The following PLEKHG2 variants were observed in gnomAD, a reference collection of about 807,000 sequenced individuals.
The protein encoded by PLEKHG2 is pleckstrin homology domain-containing family G member 2.
Under a neutral mutation model 104.4 loss-of-function variants are expected in PLEKHG2, and 71 were observed. The observed-to-expected ratio is 0.68, with a 90% CI of 0.56 to 0.83. The LOEUF is 0.83. Ranked by LOEUF, PLEKHG2 falls within the 40% of genes least tolerant of loss-of-function variation. The probability of loss-of-function intolerance (pLI) is 0.00; values close to 1 mark genes in which losing one functional copy is unlikely to be tolerated. For synonymous variants in PLEKHG2, 728 were observed against 737.0 expected, an observed-to-expected ratio of 0.99 and a Z score of 0.20; for missense variants, 1,730 against 1,809.4, an observed-to-expected ratio of 0.96 and a Z score of 0.80.
intron 10 of PLEKHG2, 30 bp from the exon 11 acceptor site, chr19:39,418,886 GC>G (rs1434975143): frequency 1.9e-6 from 3 of 1,597,592 alleles, no homozygotes; most frequent in Non-Finnish European, 1.7e-6. Context: ...CTCACACCTG[GC>G]CCCCTGACTC....
rs1294695573 is a variant in PLEKHG2 at position 39,415,926 on chromosome 19, C to T, written c.480-422C>T. 2.0e-5 allele frequency among the ~76,000 whole-genome samples: 3 copies of T among 152,164 alleles called. No individual in the cohort carries two copies. Among genetic ancestry groups the T allele is most frequent in the Non-Finnish European group, 4.4e-5 (3 of 68,012 alleles). On this transcript the variant is annotated intron_variant, in intron 4 of 18. Transcript: ENST00000425673. The surrounding 1 kb of genome is among the most constrained non-coding windows in gnomAD (Gnocchi z 4.6). ...TTCCAGTTTTAGCACTGAAAGCCCT[C>T]GTCCTAGGAAACTGCTCAGTCCCGG... is the stretch of plus-strand genomic sequence containing the variant.
chr19:39,422,410 C>T, intron 17 of PLEKHG2, 122 bp downstream of exon 17: 1 of 1,161,666 alleles, frequency 8.6e-7, no homozygotes. Flanking sequence ...TGGAGTCTTG[C>T]TCTGTTGCCG....
At chr19:39,422,433 A>G in intron 17 of PLEKHG2, 145 bp downstream of exon 17, 1 of 972,342 alleles carries the variant, frequency 1.0e-6, no homozygotes, top group South Asian at 2.0e-5. Context: ...GCTGGAGTGC[A>G]GTGGCGCCAT....
rs1479281973 is a variant in PLEKHG2, at chr19:39,415,100, C to T, written c.218C>T (p.Ser73Leu). 2 of 1,594,682 alleles carry T rather than the reference C, an allele frequency of 1.3e-6. No individual in the cohort carries two copies. The highest frequency in any genetic ancestry group is 1.7e-6 in the Non-Finnish European group (2 of 1,170,760). ...DPAPGPTPACSASRPEPLPGP... is the reference protein window; with the variant it reads ...DPAPGPTPACLASRPEPLPGP... ...GCCCCTGGGCCCACTCCAGCCTGCT[C>T]AGCCTCCAGGCCAGAGCCCCTTCCA... Residue 73 changes from serine (S) to leucine (L), a missense_variant, in exon 3 of 19, where the codon TCA (serine) becomes TTA (leucine). Physicochemically the swap from Ser to Leu is moderately radical, Grantham distance 145. Transcript: ENST00000425673. The surrounding 1 kb of genome is among the most constrained non-coding windows in gnomAD (Gnocchi z 4.6).
In PLEKHG2 at chr19:39,416,454, C is replaced by T. The variant is rs2078605900; in HGVS notation, c.546+40C>T. On this transcript the variant is annotated intron_variant, in intron 5 of 18. Transcript: ENST00000425673. This position sits in a 1 kb window ranked among gnomAD's most constrained non-coding sequence, Gnocchi z 4.5. ...GGGGGGCTCTCGGTCCTGGATGGGGCCTTTGTAGAGGGGGGAGAGCAGGCT... is the reference window on the plus strand; with the variant it reads ...GGGGGGCTCTCGGTCCTGGATGGGGTCTTTGTAGAGGGGGGAGAGCAGGCT... The T allele has an allele frequency of 2.5e-6, 4 of 1,610,944 alleles. No homozygotes were observed. In the African/African-American group the frequency reaches 4.0e-5, roughly 16 times the overall value.
chr19:39,425,297 C>CAGGACAT lies in PLEKHG2; in HGVS notation c.*4_*10dup. 1 of 1,604,502 alleles carries CAGGACAT rather than the reference C, an allele frequency of 6.2e-7. No individual in the cohort carries two copies. The highest frequency in any genetic ancestry group is 8.5e-7 in the Non-Finnish European group (1 of 1,177,306). On this transcript the variant is annotated 3_prime_UTR_variant, in exon 19 of 19. Transcript: ENST00000425673. ...CTGATGCCCCCTTCCACATGTGAGC[C>CAGGACAT]AGGACATGAGGCTTCCCTGAAGCAA...
chr19:39,415,302 A>G lies in PLEKHG2; in HGVS notation c.379-37A>G, dbSNP rs374044774. The stretch of plus-strand genomic sequence containing the variant: ...CCAGAGGGCAGTGGGTACCCAGGCC[A>G]GCCCCTTGGCCCCCATAACCCCAGT... On this transcript the variant is annotated intron_variant, in intron 3 of 18. Transcript: ENST00000425673. The surrounding 1 kb of genome is among the most constrained non-coding windows in gnomAD (Gnocchi z 4.6). 308 of 1,608,828 alleles carry G rather than the reference A, an allele frequency of 1.9e-4. 1 individual carries two copies. Among genetic ancestry groups the G allele is most frequent in the Non-Finnish European group, 4.9e-5 (58 of 1,177,202 alleles).
intron 16 of PLEKHG2, 28 bp downstream of exon 16, chr19:39,421,327 G>A (rs772117606): frequency 1.7e-5 from 28 of 1,610,632 alleles, no homozygotes; most frequent in South Asian, 3.3e-5. Flanking sequence ...ATAGGGTCTG[G>A]GCACCTTGAC....
Position 39,414,294 on chromosome 19 carries a change from C to G in PLEKHG2, c.109+99C>G, listed in dbSNP as rs2078566626. ...GGAGACAACCCCAGGCCAACTCGCA[C>G]AAAGCTCCGAGTCTGGTGGGGAAGG... On this transcript the variant is annotated intron_variant, in intron 2 of 18. Transcript: ENST00000425673. The G allele has an allele frequency of 2.4e-6, 3 of 1,246,912 alleles. No individual in the cohort carries two copies. In the African/African-American group the frequency reaches 4.5e-5, roughly 19 times the overall value. 77.2% of individuals were successfully genotyped at this position (1,246,912 alleles called of 1,614,324 possible).
At chr19:39,419,055 C>A in intron 11 of PLEKHG2, 52 bp downstream of exon 11, 1 of 1,494,932 alleles carries the variant, frequency 6.7e-7, no homozygotes, top group Non-Finnish European at 9.0e-7. Flanking sequence ...GACACCCTCC[C>A]CCAATAGTAC....
chr19:39,416,497 G>GGA lies in PLEKHG2; in HGVS notation c.547-53_547-52insAG. 6.2e-7 allele frequency: 1 copy of GGA among 1,612,638 alleles called. No homozygotes were observed. The highest frequency in any genetic ancestry group is 8.5e-7 in the Non-Finnish European group (1 of 1,179,064). On this transcript the variant is annotated intron_variant, in intron 5 of 18. Transcript: ENST00000425673. The surrounding 1 kb of genome is among the most constrained non-coding windows in gnomAD (Gnocchi z 4.5). Reference sequence around the variant, plus strand: ...AGCAGGCTTGGGCTAGGCTGGAAGGGGGGTCGTGGGAAGCCAGGACCTGGG... The same window carrying GGA: ...AGCAGGCTTGGGCTAGGCTGGAAGGGGAGGGTCGTGGGAAGCCAGGACCTGGG...
rs1420023641 is a variant in PLEKHG2 at position 39,412,735 on chromosome 19, G to A, written c.-700G>A. 6.6e-6 allele frequency: 1 copy of A among 152,146 alleles called. No individual in the cohort carries two copies. The highest frequency in any genetic ancestry group is 1.5e-5 in the Non-Finnish European group (1 of 68,028). 9.4% of individuals were successfully genotyped at this position (152,146 alleles called of 1,614,324 possible). A position where few individuals can be genotyped will look rare whatever the true frequency, so the allele number is the denominator to read the frequency against. On this transcript the variant is annotated 5_prime_UTR_variant, in exon 1 of 19. Transcript: ENST00000425673. ...AGCCGGGAGCCCGAGGGGTCCAGAG[G>A]CTCGGACCCGGGCGTCCGGAATTTC...
chr19:39,421,557 GCATGCC>G, intron 16 of PLEKHG2: 1 of 522,904 alleles, frequency 1.9e-6, no homozygotes, highest in South Asian at 2.0e-5. Context: ...GCACACTAGT[GCATGCC>G]CATAGTCCCA....
At position 39,422,229 on chromosome 19, in the gene PLEKHG2, A is replaced by T. The variant is rs766819548; in HGVS notation, c.1618A>T (p.Thr540Ser). Residue 540 changes from threonine to serine, a missense_variant, in exon 17 of 19, where the codon ACC (threonine) becomes TCC (serine). Transcript: ENST00000425673. ...AGPPTLDPSGTSITEEILELL... is the reference protein window; with the variant it reads ...AGPPTLDPSGSSITEEILELL... Reference sequence around the variant, plus strand: ...ACCCCCAACACTGGACCCCTCTGGGACCTCAATCACTGAAGAAATCCTGGA... The same window carrying T: ...ACCCCCAACACTGGACCCCTCTGGGTCCTCAATCACTGAAGAAATCCTGGA... 2 of 1,613,794 alleles carry T rather than the reference A, an allele frequency of 1.2e-6. No homozygotes were observed. Among genetic ancestry groups the T allele is most frequent in the Non-Finnish European group, 1.7e-6 (2 of 1,179,928 alleles).
chr19:39,418,783 A>T lies in PLEKHG2; in HGVS notation c.1133A>T (p.Lys378Met). 1 of 1,613,118 alleles carries T rather than the reference A, an allele frequency of 6.2e-7. No homozygotes were observed. The change falls in exon 10 of 19, where the codon AAG becomes ATG. Residue 378 changes from lysine to methionine, a missense_variant. Coordinates refer to ENST00000425673, the MANE Select transcript of PLEKHG2 (RefSeq NM_022835.3). ...AGTCCCCGAGACCCTCTAGGGTTCA[A>T]GGTGTCTGATCTGACCATTCCCAAG... Reference protein sequence around the residue: ...SESPRDPLGFKVSDLTIPKHR... With the variant: ...SESPRDPLGFMVSDLTIPKHR...
In PLEKHG2 at chr19:39,420,632, C is replaced by T; in HGVS notation, c.1270C>T (p.Gln424Ter). 6.2e-7 allele frequency: 1 copy of T among 1,614,170 alleles called. No homozygotes were observed. The highest frequency in any genetic ancestry group is 8.5e-7 in the Non-Finnish European group (1 of 1,180,040). ...HPASIPAKAK[Q>*]VLLENSLHCA... ...TCATCCTCCTGTCTTTCAGGCAAAG[C>T]AAGTTCTCCTTGAAAACAGCCTGCA... The change falls in exon 12 of 19, where the codon CAA becomes TAA. Residue 424 changes from glutamine to a stop codon, truncating the protein, a stop_gained. Transcript: ENST00000425673. LOFTEE classifies it high-confidence loss of function.
chr19:39,416,260 C>T lies in PLEKHG2; in HGVS notation c.480-88C>T. ...GCAGTCAGCAAGCCCCCAGCCCCAG[C>T]AGACCATTGGGGCCTCAGCCTCCTG... On this transcript the variant is annotated intron_variant, in intron 4 of 18. Transcript: ENST00000425673. The surrounding 1 kb of genome is among the most constrained non-coding windows in gnomAD (Gnocchi z 4.5). 1.5e-6 allele frequency: 2 copies of T among 1,327,002 alleles called. No homozygotes were observed. Among genetic ancestry groups the T allele is most frequent in the Non-Finnish European group, 2.2e-6 (2 of 929,442 alleles). The allele number at this position is 1,327,002 out of a possible 1,614,324, so 82.2% of individuals were successfully genotyped here. A position where few individuals can be genotyped will look rare whatever the true frequency, so the allele number is the denominator to read the frequency against.
At position 39,423,307 on chromosome 19, in the gene PLEKHG2, A is replaced by G. The variant is rs778191055; in HGVS notation, c.2253A>G (p.Gln751=). 4 of 1,613,930 alleles carry G rather than the reference A, an allele frequency of 2.5e-6. No homozygotes were observed. In the South Asian group the frequency reaches 3.3e-5, roughly 13 times the overall value. ...FTDFQPQDVT[Q]HQGFPDELAF... ...ACTTCCAGCCCCAGGATGTCACCCA[A>G]CATCAGGGATTCCCAGATGAGCTGG... is the stretch of plus-strand genomic sequence containing the variant. Residue 751 remains glutamine (Q), a synonymous_variant, in exon 18 of 19, where the codon CAA becomes CAG. Transcript: ENST00000425673.
chr19:39,420,216 G>T (rs541428623), intron 11 of PLEKHG2, among the ~76,000 whole-genome samples: 9 of 152,060 alleles, frequency 5.9e-5, no homozygotes, highest in Non-Finnish European at 1.0e-4. Flanking sequence ...AAAAATTACC[G>T]GGTGTGGTAG....
Sources: gnomAD v4.1 joint callset for allele counts (sites outside exome capture counted in the v4.1 genomes callset) on GRCh38, gnomAD v4.1.1 for gene constraint, Gnocchi (gnomAD v3.1) non-coding constraint, MANE v1.5 for transcripts, NCBI Gene and HGNC (gene_info 2026-07-23, HGNC 2026-07-21) for gene names.